Variants in PIWIL4 observed in about 807,000 individuals in gnomAD.
The protein encoded by PIWIL4 is piwi like RNA-mediated gene silencing 4.
In PIWIL4, 50 loss-of-function variants were observed where a neutral mutation model predicts 100.9. The ratio of observed to expected loss-of-function variants is 0.50; its 90% confidence interval spans 0.39 to 0.63. PIWIL4 has a LOEUF of 0.63. Among genes scored for constraint, PIWIL4 ranks in the 20% least tolerant of loss-of-function variants. PIWIL4 has a pLI of 0.00. For missense variants in PIWIL4, 887 were observed against 1,043.3 expected (o/e 0.85, Z 2.06); for synonymous variants, 342 against 367.5 (o/e 0.93, Z 0.79).
At chr11:94,571,434 C>T (rs1052940385) in intron 2 of PIWIL4, among the ~76,000 whole-genome samples, 1 of 152,144 alleles carries the variant, frequency 6.6e-6, no homozygotes, top group Non-Finnish European at 1.5e-5. Flanking sequence ...ATCCCTGCCC[C>T]CTTCACCCAC....
At chr11:94,588,108 C>T (rs1182327422) in intron 7 of PIWIL4, among the ~76,000 whole-genome samples, 1 of 152,044 alleles carries the variant, frequency 6.6e-6, no homozygotes, top group Admixed American at 6.6e-5. Flanking sequence ...GCTCTCCCTC[C>T]CCCCGACCCT....
At chr11:94,608,396 C>T in intron 14 of PIWIL4, 187 bp from the exon 15 acceptor site, 1 of 560,238 alleles carries the variant, frequency 1.8e-6, no homozygotes, top group African/African-American at 1.9e-5. Context: ...CATATTCTTC[C>T]TGCCTTCTTT....
At chr11:94,596,370 AT>A (rs1470588034) in intron 10 of PIWIL4, among the ~76,000 whole-genome samples, 2 of 152,098 alleles carry the variant, frequency 1.3e-5, no homozygotes, top group Non-Finnish European at 2.9e-5. Flanking sequence ...CTCAGTAAAT[AT>A]TTAACAAATG....
intron 2 of PIWIL4, among the ~76,000 whole-genome samples, chr11:94,573,681 G>A (rs555441263): frequency 2.0e-5 from 3 of 152,184 alleles, no homozygotes; most frequent in South Asian, 2.1e-4. Flanking sequence ...TGCGCACATT[G>A]TTATGAACAG....
intron 10 of PIWIL4, 77 bp downstream of exon 10, chr11:94,595,503 C>G: frequency 8.9e-7 from 1 of 1,117,410 alleles, no homozygotes; most frequent in East Asian, 2.4e-5. Flanking sequence ...TGATATATTC[C>G]TTGAAGGAAA....
intron 17 of PIWIL4, among the ~76,000 whole-genome samples, chr11:94,619,064 A>T (rs1185918198): frequency 6.6e-6 from 1 of 152,236 alleles, no homozygotes; most frequent in Non-Finnish European, 1.5e-5. Context: ...CTTTTCTTGC[A>T]CTATAACATC....
chr11:94,591,265 T>C (rs1948482101), intron 8 of PIWIL4, among the ~76,000 whole-genome samples: 1 of 152,190 alleles, frequency 6.6e-6, no homozygotes, highest in Admixed American at 6.5e-5. Flanking sequence ...TCCTCAGCCT[T>C]TGTGTGTGTT....
Position 94,605,646 on chromosome 11 carries a change from CATT to C in PIWIL4, c.1638+1596_1638+1598del, listed in dbSNP as rs536755285. ...TATTATAATTCTTGCCTGAATCCAT[CATT>C]ATTATGATGGTTAACAAATGATAGT... On this transcript the variant is annotated intron_variant, in intron 13 of 19. Coordinates refer to ENST00000299001, the MANE Select transcript of PIWIL4 (RefSeq NM_152431.3). 1.4e-3 allele frequency among the ~76,000 whole-genome samples: 217 copies of C among 152,294 alleles called. 2 individuals carry two copies. Among genetic ancestry groups the C allele is most frequent in the African/African-American group, 3.5e-3 (146 of 41,554 alleles).
At chr11:94,570,007 A>G (rs572621243) in intron 2 of PIWIL4, among the ~76,000 whole-genome samples, 2 of 152,330 alleles carry the variant, frequency 1.3e-5, no homozygotes, top group South Asian at 4.1e-4. Flanking sequence ...ATAAATGCCA[A>G]TGCCATTGCT....
rs374054983 is a variant in PIWIL4, at chr11:94,589,181, C to G, written c.975C>G (p.Thr325=). ...ACTGGTCAGTGAAGCCCACACACACCTTTCAGAAGCGGGATGGCACCGAGA... is the reference window on the plus strand; with the variant it reads ...ACTGGTCAGTGAAGCCCACACACACGTTTCAGAAGCGGGATGGCACCGAGA... The part of the protein sequence containing the change: ...DIDWSVKPTH[T]FQKRDGTEIT... Residue 325 remains threonine, a synonymous_variant, in exon 8 of 20, where the codon ACC becomes ACG. Transcript: ENST00000299001. The G allele has an allele frequency of 2.7e-5, 44 of 1,613,080 alleles. No individual in the cohort carries two copies. Among genetic ancestry groups the G allele is most frequent in the Non-Finnish European group, 3.7e-5 (44 of 1,179,304 alleles).
At chr11:94,589,376 A>C in intron 8 of PIWIL4, 144 bp downstream of exon 8, 2 of 641,874 alleles carry the variant, frequency 3.1e-6, no homozygotes, top group Non-Finnish European at 5.4e-6. Context: ...CTTCATCCCC[A>C]CCCTCCCAGT....
At position 94,579,124 on chromosome 11, in the gene PIWIL4, T is replaced by G. The variant is rs553748602; in HGVS notation, c.513+1632T>G. 2.3e-3 allele frequency among the ~76,000 whole-genome samples: 347 copies of G among 152,378 alleles called. 1 individual carries two copies. Among genetic ancestry groups the G allele is most frequent in the African/African-American group, 8.1e-3 (337 of 41,602 alleles). ...CTATGGCTTCAGAACTTTAAATTAA[T>G]TCTACCTTTTTTTGCTCCTGCACCC... On this transcript the variant is annotated intron_variant, in intron 4 of 19. Coordinates refer to ENST00000299001, the MANE Select transcript of PIWIL4 (RefSeq NM_152431.3).
Position 94,595,378 on chromosome 11 carries a change from C to T in PIWIL4, c.1220C>T (p.Pro407Leu), listed in dbSNP as rs1455173841. 1 of 1,613,990 alleles carries T rather than the reference C, an allele frequency of 6.2e-7. No individual in the cohort carries two copies. Among genetic ancestry groups the T allele is most frequent in the Middle Eastern group, 1.7e-4 (1 of 6,058 alleles). ...GTGGCTGAAAAGACACGTCTCAGTC[C>T]TTCAGGCCGGCAGCAGCGCCTGGCC... ...KAVAEKTRLS[P>L]SGRQQRLARL... Residue 407 changes from proline to leucine, a missense_variant, in exon 10 of 20, where the codon CCT becomes CTT. This residue lies in a region of PIWIL4 where 741 missense variants were observed against 930.0 expected (regional missense o/e 0.80). Coordinates refer to ENST00000299001, the MANE Select transcript of PIWIL4 (RefSeq NM_152431.3).
chr11:94,602,289 C>T (rs1361812063), intron 12 of PIWIL4, among the ~76,000 whole-genome samples: 1 of 152,082 alleles, frequency 6.6e-6, no homozygotes, highest in Non-Finnish European at 1.5e-5. Flanking sequence ...AACTGTTTTT[C>T]CTTCTTTCAG....
In PIWIL4 at chr11:94,620,891, C is replaced by G; in HGVS notation, c.2458C>G (p.Pro820Ala). 6.2e-7 allele frequency: 1 copy of G among 1,613,376 alleles called. No individual in the cohort carries two copies. The highest frequency in any genetic ancestry group is 8.5e-7 in the Non-Finnish European group (1 of 1,179,612). ...TTCTCCTCAGGGCATAGTCAGTGTC[C>G]CAGCACCATGTCAGTATGCTCACAA... is the stretch of plus-strand genomic sequence containing the variant. ...YYNWPGIVSV[P>A]APCQYAHKLT... The change falls in exon 20 of 20, where the codon CCA becomes GCA. Residue 820 changes from proline to alanine, a missense_variant. Pro to Ala is a conservative substitution (Grantham distance 27). This residue lies in a region of PIWIL4 where 741 missense variants were observed against 930.0 expected (regional missense o/e 0.80). Transcript: ENST00000299001.
intron 1 of PIWIL4, 144 bp from the exon 2 acceptor site, chr11:94,568,584 CTT>C: frequency 1.7e-6 from 1 of 576,324 alleles, no homozygotes; most frequent in Non-Finnish European, 3.1e-6. Flanking sequence ...TGGGCACTCT[CTT>C]CTCATCTCTC....
At position 94,619,773 on chromosome 11, in the gene PIWIL4, G is replaced by A. The variant is rs1160179489; in HGVS notation, c.2182G>A (p.Val728Met). 6.2e-7 allele frequency: 1 copy of A among 1,613,950 alleles called. No homozygotes were observed. The change falls in exon 18 of 20, where the codon GTG (valine) becomes ATG (methionine). Residue 728 changes from valine (V) to methionine (M), a missense_variant. Val to Met is a conservative substitution (Grantham distance 21, BLOSUM62 1). This residue lies in a region of PIWIL4 where 741 missense variants were observed against 930.0 expected (regional missense o/e 0.80). Transcript: ENST00000299001. ...TCTAATTTTTAGCTCAAGACTGTCG[G>A]TGATTGTGGTCAGGAAGAAGTGCAT... ...SSSNTSSRLS[V>M]IVVRKKCMPR...
chr11:94,611,766 C>T (rs994495333), intron 15 of PIWIL4, among the ~76,000 whole-genome samples: 3 of 152,136 alleles, frequency 2.0e-5, no homozygotes, highest in Non-Finnish European at 2.9e-5. Context: ...GACACCCTGG[C>T]CCCCCTTTGC....
In PIWIL4 at chr11:94,602,886, GA is replaced by G. The variant is rs1948662757; in HGVS notation, c.1565+908del. Among the ~76,000 whole-genome samples, 4 of 152,124 alleles carry G rather than the reference GA, an allele frequency of 2.6e-5. No individual in the cohort carries two copies. In the South Asian group the frequency reaches 8.3e-4, roughly 32 times the overall value. ...CCCGCTCTACTTTCTCTAAACCCAT[GA>G]GCTAATAAAGCAGGAAATGATTATG... On this transcript the variant is annotated intron_variant, in intron 12 of 19. Transcript: ENST00000299001.
Sources: allele counts gnomAD v4.1 joint callset (sites outside exome capture counted in the v4.1 genomes callset), GRCh38; gene constraint gnomAD v4.1.1; regional missense constraint gnomAD v4.1.1; transcripts MANE v1.5; gene names NCBI Gene and HGNC (gene_info 2026-07-23, HGNC 2026-07-21).